Variants in DPP6 observed in about 807,000 individuals in gnomAD.
DPP6 encodes dipeptidyl peptidase like 6.
Under a neutral mutation model 122.6 loss-of-function variants are expected in DPP6, and 69 were observed. That is an observed-to-expected ratio of 0.56 (90% confidence interval 0.46 to 0.69). The LOEUF is 0.69. Among genes scored for constraint, DPP6 ranks in the 30% least tolerant of loss-of-function variants. DPP6 has a pLI of 0.00. For missense variants in DPP6, 928 were observed against 1,116.9 expected (o/e 0.83, Z 2.41); for synonymous variants, 418 against 433.1 (o/e 0.97, Z 0.43).
intron 3 of DPP6, among the ~76,000 whole-genome samples, chr7:154,539,352 T>C (rs1455745936): frequency 6.6e-6 from 1 of 152,212 alleles, no homozygotes; most frequent in African/African-American, 2.4e-5. Context: ...AAGAGTCTAC[T>C]CATGTGCTTA....
intron 1 of DPP6, among the ~76,000 whole-genome samples, chr7:154,433,977 C>T (rs1317147430): frequency 2.0e-5 from 3 of 152,200 alleles, no homozygotes; most frequent in Non-Finnish European, 4.4e-5. Flanking sequence ...TGCCTCAGGT[C>T]TCAGTCTATC....
At position 154,059,759 on chromosome 7, in the gene DPP6, G is replaced by A. The variant is rs1463653115; in HGVS notation, c.243+6696G>A. On this transcript the variant is annotated intron_variant, in intron 1 of 25. Coordinates refer to ENST00000377770, the MANE Select transcript of DPP6 (RefSeq NM_130797.4). ...TTTTCCATTGTATGCGTCAGAGAGA[G>A]AAAAGATGGCAGCTGGACTTTTAAC... 2.6e-5 allele frequency among the ~76,000 whole-genome samples: 4 copies of A among 151,284 alleles called. No homozygotes were observed. The East Asian group carries it at 7.8e-4, about 29-fold the overall frequency.
intron 5 of DPP6, among the ~76,000 whole-genome samples, chr7:154,584,605 C>T (rs899507097): frequency 2.6e-5 from 4 of 152,202 alleles, no homozygotes; most frequent in Admixed American, 2.6e-4. Flanking sequence ...CCACGTCGCT[C>T]GGGACGCCCA....
chr7:153,799,237 CT>C, the DPP6 span, among the ~76,000 whole-genome samples: 1 of 152,204 alleles, frequency 6.6e-6, no homozygotes, highest in Non-Finnish European at 1.5e-5. Flanking sequence ...GTAGAAATTT[CT>C]GTTTGACTCT....
intron 3 of DPP6, among the ~76,000 whole-genome samples, chr7:154,526,468 G>A (rs183378752): frequency 9.5e-4 from 145 of 151,948 alleles, no homozygotes; most frequent in Non-Finnish European, 1.7e-3. Flanking sequence ...TATACCCACA[G>A]CATCCAACAC....
At chr7:153,806,739 T>G in the DPP6 span, among the ~76,000 whole-genome samples, 1 of 152,004 alleles carries the variant, frequency 6.6e-6, no homozygotes, top group Non-Finnish European at 1.5e-5. Context: ...AAGTGTTGTA[T>G]ATTGATGCCC....
chr7:154,167,758 T>C (rs948105591), intron 1 of DPP6, among the ~76,000 whole-genome samples: 4 of 152,238 alleles, frequency 2.6e-5, no homozygotes, highest in Non-Finnish European at 5.9e-5. Context: ...TTAGTGACTT[T>C]GTTCATTTTA....
intron 7 of DPP6, among the ~76,000 whole-genome samples, chr7:154,711,949 C>CACACACACA (rs765511171): frequency 5.3e-4 from 80 of 151,204 alleles, no homozygotes; most frequent in African/African-American, 1.4e-3. Context: ...TACACACACA[C>CACACACACA]ACACACACAC....
At chr7:153,835,605 A>G in the DPP6 span, among the ~76,000 whole-genome samples, 52,890 of 152,016 alleles carry the variant, frequency 0.35, 9,900 homozygotes, top group African/African-American at 0.5. Flanking sequence ...TACAGCAGGA[A>G]TTTTGGCTCT....
At chr7:154,402,359 C>G (rs987701486) in intron 1 of DPP6, among the ~76,000 whole-genome samples, 1 of 149,398 alleles carries the variant, frequency 6.7e-6, no homozygotes, top group Non-Finnish European at 1.5e-5. Flanking sequence ...AAATGTCCAA[C>G]AATGATAGAC....
Position 154,060,812 on chromosome 7 carries a change from C to CG in DPP6, c.243+7749_243+7750insG, listed in dbSNP as rs1160837410. ...CCATCACAGGAGGGGGACGCACCCC[C>CG]CATGAGGCAGGGACTGAGAGCCAGC... is the stretch of plus-strand genomic sequence containing the variant. On this transcript the variant is annotated intron_variant, in intron 1 of 25. Coordinates refer to ENST00000377770, the MANE Select transcript of DPP6 (RefSeq NM_130797.4). 1.5e-5 allele frequency among the ~76,000 whole-genome samples: 2 copies of CG among 134,616 alleles called. 1 individual carries two copies. The highest frequency in any genetic ancestry group is 3.2e-5 in the Non-Finnish European group (2 of 62,034). 88.3% of individuals were successfully genotyped at this position (134,616 alleles called of 152,430 possible).
intron 1 of DPP6, among the ~76,000 whole-genome samples, chr7:153,936,405 G>A (rs761040433): frequency 3.9e-5 from 6 of 152,272 alleles, no homozygotes; most frequent in South Asian, 2.1e-4. Context: ...TGGGGAGACC[G>A]CGAGCTCGTC....
chr7:154,301,969 C>A lies in DPP6; in HGVS notation c.244-144245C>A, dbSNP rs375867357. Among the ~76,000 whole-genome samples the A allele has an allele frequency of 7.9e-5, 12 of 152,024 alleles. No individual in the cohort carries two copies. The East Asian group carries it at 1.2e-3, about 15-fold the overall frequency. On this transcript the variant is annotated intron_variant, in intron 1 of 25. Coordinates refer to ENST00000377770, the MANE Select transcript of DPP6 (RefSeq NM_130797.4). ...AGCAGCTAGGACTACAGGAGCGTGA[C>A]ACCACGCCCGGCTAATTTTTTGCAT...
chr7:153,889,547 G>C (rs985160627), intron 1 of DPP6, among the ~76,000 whole-genome samples: 1 of 152,194 alleles, frequency 6.6e-6, no homozygotes, highest in Non-Finnish European at 1.5e-5. Context: ...TGGCATGAAA[G>C]AGCCAAATCT....
At chr7:154,034,134 C>T (rs1799397169) in intron 1 of DPP6, among the ~76,000 whole-genome samples, 1 of 152,118 alleles carries the variant, frequency 6.6e-6, no homozygotes. Flanking sequence ...ACATATTTTT[C>T]TACACAACTG....
rs769448415 is a variant in DPP6 at position 154,479,580 on chromosome 7, G to GAA, written c.457+4546_457+4547dup. Among the ~76,000 whole-genome samples, 3 of 141,794 alleles carry GAA rather than the reference G, an allele frequency of 2.1e-5. No individual in the cohort carries two copies. The East Asian group carries it at 6.2e-4, about 29-fold the overall frequency. The allele number at this position is 141,794 out of a possible 152,430, so 93.0% of individuals were successfully genotyped here. A position where few individuals can be genotyped will look rare whatever the true frequency, so the allele number is the denominator to read the frequency against. ...CTCAAAAAAAAAAAAAAAAAGAAAA[G>GAA]AAAAGAAAAAGAAAAGGCTCACTCT... On this transcript the variant is annotated intron_variant, in intron 3 of 25. Transcript: ENST00000377770.
At chr7:154,126,238 T>C (rs1173770370) in intron 1 of DPP6, among the ~76,000 whole-genome samples, 1 of 152,154 alleles carries the variant, frequency 6.6e-6, no homozygotes, top group African/African-American at 2.4e-5. Context: ...CTTAGCATTT[T>C]GGTTGGTTGG....
chr7:154,737,285 C>T (rs1355118422), intron 8 of DPP6, among the ~76,000 whole-genome samples: 3 of 152,180 alleles, frequency 2.0e-5, no homozygotes, highest in Admixed American at 6.5e-5. Flanking sequence ...ACTGCACCCA[C>T]CCTTCTTCAA....
the DPP6 span, among the ~76,000 whole-genome samples, chr7:153,785,767 T>A: frequency 6.6e-6 from 1 of 152,138 alleles, no homozygotes; most frequent in Admixed American, 6.5e-5. Context: ...ATCCTTCCAC[T>A]TCAGCCTCCC....
Sources: gnomAD v4.1 joint callset for allele counts (sites outside exome capture counted in the v4.1 genomes callset) on GRCh38, gnomAD v4.1.1 for gene constraint, MANE v1.5 for transcripts, NCBI Gene and HGNC (gene_info 2026-07-23, HGNC 2026-07-21) for gene names.